The following RTN4 variants were observed in gnomAD, a reference collection of about 807,000 sequenced individuals.
RTN4 encodes reticulon-4.
RTN4 carries 32 observed loss-of-function variants against 90.4 expected under a neutral mutation model. That is an observed-to-expected ratio of 0.35 (90% CI 0.27 to 0.48). RTN4 has a LOEUF of 0.48. Ranked by LOEUF, RTN4 falls within the 20% of genes least tolerant of loss-of-function variation. The probability of loss-of-function intolerance (pLI) is 0.99; values close to 1 mark genes in which losing one functional copy is unlikely to be tolerated. For missense variants in RTN4, 1,706 were observed against 1,430.2 expected, an observed-to-expected ratio of 1.19 and a Z score of -3.11; for synonymous variants, 629 against 552.5, an observed-to-expected ratio of 1.14 and a Z score of -1.94.
chr2:54,989,892 C>CT (rs970181950), intron 3 of RTN4, among the ~76,000 whole-genome samples: 20 of 151,260 alleles, frequency 1.3e-4, no homozygotes, highest in South Asian at 1.3e-3. Flanking sequence ...TAATTAATGC[C>CT]TTTTTTTTTA....
At chr2:55,093,656 G>A (rs1668980511) in intron 1 of RTN4, among the ~76,000 whole-genome samples, 1 of 152,070 alleles carries the variant, frequency 6.6e-6, no homozygotes, top group African/African-American at 2.4e-5. Flanking sequence ...AGGCCAGGGG[G>A]GATTAGGAAA....
intron 1 of RTN4, among the ~76,000 whole-genome samples, chr2:55,084,459 T>C (rs906338810): frequency 6.6e-6 from 1 of 152,110 alleles, no homozygotes; most frequent in Non-Finnish European, 1.5e-5. Flanking sequence ...CATCCTGTTA[T>C]AATAACAGGT....
At chr2:54,996,583 G>GA (rs1679443545) in intron 3 of RTN4, among the ~76,000 whole-genome samples, 1 of 151,988 alleles carries the variant, frequency 6.6e-6, no homozygotes, top group Non-Finnish European at 1.5e-5. Flanking sequence ...AACTCAATAA[G>GA]AAAAAAACAG....
chr2:55,132,762 C>T, the RTN4 span, among the ~76,000 whole-genome samples: 7 of 143,652 alleles, frequency 4.9e-5, no homozygotes, highest in African/African-American at 2.6e-5. Flanking sequence ...TACAGTGAAC[C>T]GAGGTCTTGC....
chr2:54,991,494 C>T (rs557135375), intron 3 of RTN4, among the ~76,000 whole-genome samples: 5 of 152,290 alleles, frequency 3.3e-5, no homozygotes, highest in South Asian at 2.1e-4. Flanking sequence ...ATTTTGGATA[C>T]GACTCCAACC....
At chr2:55,034,337 C>CA (rs1015584355) in intron 1 of RTN4, among the ~76,000 whole-genome samples, 20 of 151,808 alleles carry the variant, frequency 1.3e-4, no homozygotes, top group African/African-American at 4.6e-4. Context: ...CCCAACTCTC[C>CA]AAAAAAATTA....
intron 2 of RTN4, among the ~76,000 whole-genome samples, chr2:55,078,392 A>C: frequency 6.6e-6 from 1 of 152,172 alleles, no homozygotes; most frequent in Non-Finnish European, 1.5e-5. Context: ...ACATGTGCCA[A>C]CATGCCCAGC....
intron 2 of RTN4, among the ~76,000 whole-genome samples, chr2:55,058,433 C>T (rs1668228788): frequency 6.6e-6 from 1 of 152,194 alleles, no homozygotes; most frequent in Non-Finnish European, 1.5e-5. Flanking sequence ...CACACAAAAT[C>T]AGATTCATTT....
intron 3 of RTN4, among the ~76,000 whole-genome samples, chr2:55,003,516 A>G (rs1679991175): frequency 6.6e-6 from 1 of 152,206 alleles, no homozygotes; most frequent in Non-Finnish European, 1.5e-5. Context: ...TTCATGATAG[A>G]GCAGATAAAT....
intron 4 of RTN4, 53 bp from the exon 5 acceptor site, chr2:54,982,706 A>T (rs1404574802): frequency 3.3e-5 from 50 of 1,524,930 alleles, no homozygotes; most frequent in Non-Finnish European, 4.3e-5. Flanking sequence ...TTTTCCCCTA[A>T]ATGTCAATCA....
intron 3 of RTN4, among the ~76,000 whole-genome samples, chr2:55,002,243 G>A (rs1434054913): frequency 6.6e-6 from 1 of 151,918 alleles, no homozygotes; most frequent in African/African-American, 2.4e-5. Context: ...AAATTTTGTA[G>A]AGGCAGGGCC....
At chr2:55,010,328 C>G in intron 3 of RTN4, 1 of 1,386,928 alleles carries the variant, frequency 7.2e-7, no homozygotes, top group Non-Finnish European at 9.4e-7. Flanking sequence ...CAATCTGTAA[C>G]TAGGCTACTA....
intron 3 of RTN4, among the ~76,000 whole-genome samples, chr2:54,998,720 C>A (rs1018006414): frequency 6.6e-6 from 1 of 152,082 alleles, no homozygotes; most frequent in African/African-American, 2.4e-5. Context: ...ATTTTTAGAA[C>A]AGAAACATTT....
intron 2 of RTN4, among the ~76,000 whole-genome samples, chr2:55,065,409 A>C (rs574414813): frequency 6.0e-4 from 92 of 152,348 alleles, no homozygotes; most frequent in Non-Finnish European, 1.1e-3. Flanking sequence ...ATTTAAACCA[A>C]AATGAGATCA....
chr2:55,049,845 G>A lies in RTN4; in HGVS notation c.456C>T (p.Ser152=), dbSNP rs1257172752. 4.6e-6 allele frequency: 6 copies of A among 1,303,998 alleles called. No homozygotes were observed. Among genetic ancestry groups the A allele is most frequent in the African/African-American group, 1.6e-5 (1 of 64,350 alleles). The allele number at this position is 1,303,998 out of a possible 1,614,324, so 80.8% of individuals were successfully genotyped here. The change falls in exon 1 of 9, where the codon AGC becomes AGT. Residue 152 remains serine (S), a synonymous_variant. Coordinates refer to ENST00000337526, the MANE Select transcript of RTN4 (RefSeq NM_020532.5). ...RPPPPPPASV[S]PQAEPVWTPP... ...GGGTCCACACGGGCTCTGCCTGGGG[G>A]CTCACGCTGGCCGGGGGAGGAGGGG... is the stretch of plus-strand genomic sequence containing the variant.
At chr2:55,005,155 C>A (rs962688484) in intron 3 of RTN4, among the ~76,000 whole-genome samples, 1 of 152,098 alleles carries the variant, frequency 6.6e-6, no homozygotes, top group Non-Finnish European at 1.5e-5. Context: ...CCAGGATAGA[C>A]AGAAGAAACT....
At chr2:54,993,055 C>T (rs1425915713) in intron 3 of RTN4, among the ~76,000 whole-genome samples, 6 of 115,096 alleles carry the variant, frequency 5.2e-5, no homozygotes, top group South Asian at 2.8e-4. Context: ...GCCTGGGCAA[C>T]AGAGCGAGAC....
In RTN4 at chr2:54,976,018, G is replaced by A. The variant is rs191437989; in HGVS notation, c.3361-1254C>T. On this transcript the variant is annotated intron_variant, in intron 5 of 8. Transcript: ENST00000337526. ...AAGGCTTTTCTCTCACAGTTTTATA[G>A]ACTCCTATTGCTGAAGCTAAATATA... Among the ~76,000 whole-genome samples the A allele has an allele frequency of 2.4e-4, 37 of 152,304 alleles. 2 individuals are homozygous for A. In the East Asian group the frequency reaches 2.7e-3, roughly 11 times the overall value.
rs766968750 is a variant in RTN4 at position 55,050,091 on chromosome 2, G to C, written c.210C>G (p.Thr70=). The C allele has an allele frequency of 1.4e-5, 20 of 1,474,564 alleles. No homozygotes were observed. The highest frequency in any genetic ancestry group is 1.5e-5 in the Non-Finnish European group (17 of 1,118,018). 91.3% of individuals were successfully genotyped at this position (1,474,564 alleles called of 1,614,324 possible). ...AAGLSAAPVP[T]APAAGAPLMD... is the part of the protein sequence containing the mutation. ...TCAGGGGCGCGCCGGCGGCAGGGGC[G>C]GTGGGCACTGGGGCCGCGGACAGCC... The change falls in exon 1 of 9, where the codon ACC becomes ACG. Residue 70 remains threonine, a synonymous_variant. Transcript: ENST00000337526. The surrounding 1 kb of genome is among the most constrained non-coding windows in gnomAD (Gnocchi z 4.6).
Sources: gnomAD v4.1 joint callset for allele counts (sites outside exome capture counted in the v4.1 genomes callset) on GRCh38, gnomAD v4.1.1 for gene constraint, Gnocchi (gnomAD v3.1) non-coding constraint, MANE v1.5 for transcripts, NCBI Gene and HGNC (gene_info 2026-07-23, HGNC 2026-07-21) for gene names.